The following SMARCC1 variants were observed in gnomAD, a reference collection of about 807,000 sequenced individuals.
The protein encoded by SMARCC1 is SWI/SNF complex subunit SMARCC1.
SMARCC1 carries 43 observed loss-of-function variants against 147.4 expected under a neutral mutation model. The observed-to-expected ratio is 0.29, with a 90% CI of 0.23 to 0.38. The LOEUF (loss-of-function observed/expected upper bound fraction) is 0.38, where lower values mean the gene tolerates loss of function less well. Among genes scored for constraint, SMARCC1 ranks in the 10% least tolerant of loss-of-function variants. The pLI, the probability that SMARCC1 is intolerant of heterozygous loss-of-function variation, is 1.00. For missense variants in SMARCC1, 1,119 were observed against 1,381.1 expected, an observed-to-expected ratio of 0.81 and a Z score of 3.01; for synonymous variants, 495 against 484.4, an observed-to-expected ratio of 1.02 and a Z score of -0.29.
intron 9 of SMARCC1, among the ~76,000 whole-genome samples, chr3:47,708,081 T>TTC: frequency 7.7e-5 from 7 of 90,340 alleles, no homozygotes; most frequent in African/African-American, 2.6e-4. Context: ...TGAATTTTTT[T>TTC]TCTTTTTTTT....
chr3:47,770,166 T>C (rs2034895601), intron 2 of SMARCC1, among the ~76,000 whole-genome samples: 2 of 151,124 alleles, frequency 1.3e-5, no homozygotes, highest in Admixed American at 6.6e-5. Context: ...AGGCAGAACT[T>C]GCAGTGAGCT....
chr3:47,633,779 T>TATATACAC (rs1367543059), intron 24 of SMARCC1, among the ~76,000 whole-genome samples: 14 of 28,876 alleles, frequency 4.8e-4, no homozygotes, highest in Admixed American at 1.6e-3. Context: ...TATATATATA[T>TATATACAC]ACACACACAC....
intron 21 of SMARCC1, among the ~76,000 whole-genome samples, chr3:47,653,092 G>A (rs2033213567): frequency 6.6e-6 from 1 of 151,856 alleles, no homozygotes; most frequent in Non-Finnish European, 1.5e-5. Flanking sequence ...CGAGTAGCTG[G>A]GACTACAGGC....
chr3:47,720,696 A>G lies in SMARCC1; in HGVS notation c.686T>C (p.Val229Ala). Residue 229 changes from valine (V) to alanine (A), a missense_variant, in exon 7 of 28, where the codon GTG becomes GCG. Physicochemically the swap from Val to Ala is moderately conservative, Grantham distance 64 (BLOSUM62 0). Coordinates refer to ENST00000254480, the MANE Select transcript of SMARCC1 (RefSeq NM_003074.4). ...TGGGTAAAAGCCCCAATGCACTAAC[A>G]CTTGCTTCTCTTTTCTCATCACCGG... ...LRPVMRKEKQ[V>A]LVHWGFYPDS... The G allele has an allele frequency of 6.2e-7, 1 of 1,613,134 alleles. No individual in the cohort carries two copies.
intron 16 of SMARCC1, among the ~76,000 whole-genome samples, chr3:47,677,888 T>C (rs1439814270): frequency 6.6e-6 from 1 of 152,140 alleles, no homozygotes; most frequent in African/African-American, 2.4e-5. Flanking sequence ...ACAGTGCTCA[T>C]GCCTGCAATC....
At chr3:47,673,736 T>A (rs2033534697) in intron 18 of SMARCC1, among the ~76,000 whole-genome samples, 1 of 152,146 alleles carries the variant, frequency 6.6e-6, no homozygotes, top group Non-Finnish European at 1.5e-5. Flanking sequence ...ACATACACAA[T>A]AAAATACACA....
At chr3:47,626,014 C>T (rs763519121) in intron 24 of SMARCC1, among the ~76,000 whole-genome samples, 3 of 152,040 alleles carry the variant, frequency 2.0e-5, no homozygotes, top group Non-Finnish European at 2.9e-5. Context: ...ATTAGCCAGG[C>T]ATGGTAGCAC....
At chr3:47,682,278 G>C (rs2033654309) in intron 14 of SMARCC1, among the ~76,000 whole-genome samples, 1 of 140,402 alleles carries the variant, frequency 7.1e-6, no homozygotes, top group South Asian at 2.3e-4. Context: ...CTGGGGGACA[G>C]AGCAAGACTC....
chr3:47,650,046 G>A (rs552179616), intron 21 of SMARCC1, among the ~76,000 whole-genome samples: 1 of 152,152 alleles, frequency 6.6e-6, no homozygotes, highest in South Asian at 2.1e-4. Flanking sequence ...GGAGGCCGAG[G>A]CAGGCGGATC....
intron 11 of SMARCC1, among the ~76,000 whole-genome samples, chr3:47,695,917 A>G (rs76769685): frequency 8.0e-6 from 1 of 125,780 alleles, no homozygotes; most frequent in African/African-American, 3.0e-5. Context: ...TACAAAAAAA[A>G]TCAGCCGGGC....
intron 24 of SMARCC1, among the ~76,000 whole-genome samples, chr3:47,632,245 CACAGTA>C (rs2032901293): frequency 6.6e-6 from 1 of 151,830 alleles, no homozygotes; most frequent in South Asian, 2.1e-4. Flanking sequence ...CAAAGTTGCA[CACAGTA>C]ACAGCTATGA....
intron 26 of SMARCC1, 55 bp from the exon 27 acceptor site, chr3:47,590,892 G>A (rs2032170650): frequency 1.4e-6 from 2 of 1,463,980 alleles, no homozygotes; most frequent in Non-Finnish European, 1.9e-6. Flanking sequence ...TGTAAGAAAG[G>A]GATCAACTTA....
chr3:47,749,832 G>C (rs985263637), intron 2 of SMARCC1, among the ~76,000 whole-genome samples: 1 of 151,316 alleles, frequency 6.6e-6, no homozygotes, highest in South Asian at 2.1e-4. Context: ...CCTACAATCC[G>C]AGCACTTTGG....
rs1184125414 is a variant in SMARCC1 at position 47,587,922 on chromosome 3, G to C, written c.*287C>G. Reference sequence around the variant, plus strand: ...TGCTAAAGTTGACAGGACCTGCAGAGAAACTGTCAGCTTACTCCCACACCA... The same window carrying C: ...TGCTAAAGTTGACAGGACCTGCAGACAAACTGTCAGCTTACTCCCACACCA... On this transcript the variant is annotated 3_prime_UTR_variant, in exon 28 of 28. Coordinates refer to ENST00000254480, the MANE Select transcript of SMARCC1 (RefSeq NM_003074.4). The C allele has an allele frequency of 1.5e-5, 6 of 411,658 alleles. No individual in the cohort carries two copies. The highest frequency in any genetic ancestry group is 6.4e-4 in the Middle Eastern group (1 of 1,572). 25.5% of individuals were successfully genotyped at this position (411,658 alleles called of 1,614,324 possible). A position where few individuals can be genotyped will look rare whatever the true frequency, so the allele number is the denominator to read the frequency against.
At position 47,675,594 on chromosome 3, in the gene SMARCC1, T is replaced by C. The variant is rs1249497039; in HGVS notation, c.1726-6A>G. 1.4e-6 allele frequency: 2 copies of C among 1,461,016 alleles called. No homozygotes were observed. The highest frequency in any genetic ancestry group is 1.9e-6 in the Non-Finnish European group (2 of 1,040,962). The allele number at this position is 1,461,016 out of a possible 1,614,324, so 90.5% of individuals were successfully genotyped here. On this transcript the variant is annotated splice_polypyrimidine_tract_variant and splice_region_variant and intron_variant, in intron 17 of 27. Transcript: ENST00000254480. ...ATCTGTTGAGCAGCAGGAACCTGAG[T>C]CAAATAAATGATAAATGGCTGAGTT... is the stretch of plus-strand genomic sequence containing the variant.
chr3:47,602,336 C>T (rs527394117), intron 26 of SMARCC1, among the ~76,000 whole-genome samples: 2 of 152,226 alleles, frequency 1.3e-5, no homozygotes, highest in South Asian at 2.1e-4. Context: ...CTTGCTCTAT[C>T]GCCCAGGCTG....
intron 11 of SMARCC1, among the ~76,000 whole-genome samples, chr3:47,698,724 C>CTAAG (rs908516351): frequency 1.3e-5 from 2 of 151,594 alleles, no homozygotes; most frequent in Non-Finnish European, 2.9e-5. Flanking sequence ...CATGGAAAAC[C>CTAAG]TAAGAGCTAT....
At chr3:47,778,210 C>CA (rs762399509) in intron 1 of SMARCC1, among the ~76,000 whole-genome samples, 17 of 127,040 alleles carry the variant, frequency 1.3e-4, no homozygotes, top group African/African-American at 4.1e-4. Context: ...AAACAAAAAA[C>CA]AAAAAACAAA....
intron 4 of SMARCC1, among the ~76,000 whole-genome samples, 167 bp downstream of exon 4, chr3:47,737,861 AC>A (rs200340277): frequency 0.011 from 1,538 of 144,644 alleles, 25 homozygotes; most frequent in African/African-American, 0.037. Flanking sequence ...ACGGGGTTTC[AC>A]CGTGTTAGCC....
Sources: gnomAD v4.1 joint callset for allele counts (sites outside exome capture counted in the v4.1 genomes callset) on GRCh38, gnomAD v4.1.1 for gene constraint, MANE v1.5 for transcripts, NCBI Gene and HGNC (gene_info 2026-07-23, HGNC 2026-07-21) for gene names.